ANKRD26: variants seen among roughly 807,000 people sequenced by gnomAD.
The protein encoded by ANKRD26 is ankyrin repeat domain-containing protein 26.
ANKRD26 carries 141 observed loss-of-function variants against 208.7 expected under a neutral mutation model. The ratio of observed to expected loss-of-function variants is 0.68; its 90% CI spans 0.59 to 0.78. ANKRD26 has a LOEUF of 0.78. Ranked by LOEUF, ANKRD26 falls within the 30% of genes least tolerant of loss-of-function variation. The pLI is 0.00. For missense variants in ANKRD26, 1,889 were observed against 1,938.7 expected, an observed-to-expected ratio of 0.97 and a Z score of 0.48; for synonymous variants, 636 against 660.4, an observed-to-expected ratio of 0.96 and a Z score of 0.57.
At chr10:26,955,542 T>C in the ANKRD26 span, among the ~76,000 whole-genome samples, 1 of 152,310 alleles carries the variant, frequency 6.6e-6, no homozygotes, top group East Asian at 1.9e-4. Flanking sequence ...TTGCCTTCCA[T>C]GAGTGAGAAG....
intron 1 of ANKRD26, among the ~76,000 whole-genome samples, chr10:27,099,571 G>GC (rs1320211789): frequency 7.1e-6 from 1 of 139,870 alleles, no homozygotes; most frequent in Non-Finnish European, 1.6e-5. Flanking sequence ...TTGGGGGGGG[G>GC]GGTCTCGCTA....
At chr10:27,060,202 C>A in intron 15 of ANKRD26, 143 bp downstream of exon 15, 1 of 741,294 alleles carries the variant, frequency 1.3e-6, no homozygotes, top group South Asian at 1.8e-5. Context: ...GACTCGGTCT[C>A]AATTAAAAAA....
chr10:27,045,748 T>C (rs1304190465), intron 18 of ANKRD26, among the ~76,000 whole-genome samples: 1 of 152,170 alleles, frequency 6.6e-6, no homozygotes, highest in African/African-American at 2.4e-5. Flanking sequence ...GTTTGCATGT[T>C]TATTATTAGA....
chr10:27,082,871 A>G, intron 5 of ANKRD26, 38 bp from the exon 6 acceptor site: 1 of 1,559,112 alleles, frequency 6.4e-7, no homozygotes, highest in South Asian at 1.2e-5. Flanking sequence ...TTAAATCAAC[A>G]ATAGAAAAAT....
chr10:27,100,466 G>C lies in ANKRD26; in HGVS notation c.-140C>G, dbSNP rs41299222. 62,124 of 1,297,204 alleles carry C rather than the reference G, an allele frequency of 0.048. 1,684 individuals are homozygous for C. The highest frequency in any genetic ancestry group is 0.084 in the African/African-American group (5,637 of 67,346). The allele number at this position is 1,297,204 out of a possible 1,614,324, so 80.4% of individuals were successfully genotyped here. Reference sequence around the variant, plus strand: ...CGCGGTTTCCAATCTCTCCCTCCGGGTTACCAAGCAAGCGATCCCGCTAGA... The same window carrying C: ...CGCGGTTTCCAATCTCTCCCTCCGGCTTACCAAGCAAGCGATCCCGCTAGA... On this transcript the variant is annotated 5_prime_UTR_variant, in exon 1 of 34. Transcript: ENST00000376087.
chr10:26,989,573 A>C (rs550558915), downstream of ANKRD26, among the ~76,000 whole-genome samples: 1 of 152,354 alleles, frequency 6.6e-6, no homozygotes, highest in African/African-American at 2.4e-5. Context: ...TAAATTCTTT[A>C]TGCTTCGCAA....
chr10:27,093,849 C>T (rs769220154), intron 1 of ANKRD26, 50 bp from the exon 2 acceptor site: 2 of 1,331,346 alleles, frequency 1.5e-6, no homozygotes, highest in South Asian at 1.2e-5. Flanking sequence ...TGTCTCAAAA[C>T]ATACAATGGT....
At chr10:27,024,616 A>C in intron 27 of ANKRD26, 57 bp from the exon 28 acceptor site, 1 of 1,014,870 alleles carries the variant, frequency 9.9e-7, no homozygotes, top group South Asian at 1.4e-5. Flanking sequence ...TTTTTTTCTT[A>C]AAACTATTAT....
At chr10:26,962,451 T>C in the ANKRD26 span, among the ~76,000 whole-genome samples, 17 of 152,096 alleles carry the variant, frequency 1.1e-4, no homozygotes, top group African/African-American at 3.9e-4. Flanking sequence ...GGCGGGTGCC[T>C]GTAATCCCAG....
At chr10:27,044,079 C>A in intron 19 of ANKRD26, 78 bp downstream of exon 19, 1 of 1,091,296 alleles carries the variant, frequency 9.2e-7, no homozygotes, top group Non-Finnish European at 1.2e-6. Flanking sequence ...CAGGTGTGAG[C>A]CACTGTGCCC....
At chr10:27,057,174 C>T (rs2054866784) in intron 15 of ANKRD26, among the ~76,000 whole-genome samples, 1 of 152,174 alleles carries the variant, frequency 6.6e-6, no homozygotes, top group Non-Finnish European at 1.5e-5. Flanking sequence ...GACTAACTTT[C>T]TTCATAGAAG....
At chr10:26,999,220 T>C (rs942152905), downstream of ANKRD26, among the ~76,000 whole-genome samples, 13 of 152,246 alleles carry the variant, frequency 8.5e-5, no homozygotes, top group African/African-American at 2.7e-4. Flanking sequence ...TAGGCCATTG[T>C]AACTTAGAGT....
intron 13 of ANKRD26, 131 bp from the exon 14 acceptor site, chr10:27,060,671 T>C (rs1202019599): frequency 2.6e-6 from 2 of 769,420 alleles, no homozygotes; most frequent in Non-Finnish European, 4.3e-6. Flanking sequence ...TTTTGGGATG[T>C]TTTTTATTTT....
chr10:27,060,510 AC>A lies in ANKRD26; in HGVS notation c.1491+1del, dbSNP rs1407232979. ...TCAAGATAAAAATATAAAACTTATT[AC>A]CTTCAAGTGAAGATATCTCTCAGGA... On this transcript the variant is annotated splice_donor_variant, in intron 14 of 33. Coordinates refer to ENST00000376087, the MANE Select transcript of ANKRD26 (RefSeq NM_014915.3). LOFTEE classifies it high-confidence loss of function. 6.4e-7 allele frequency: 1 copy of A among 1,552,752 alleles called. No individual in the cohort carries two copies. The highest frequency in any genetic ancestry group is 1.4e-5 in the African/African-American group (1 of 73,218).
intron 20 of ANKRD26, among the ~76,000 whole-genome samples, chr10:27,042,952 CA>C (rs376971749): frequency 0.23 from 19,032 of 82,276 alleles, 1,252 homozygotes; most frequent in African/African-American, 0.31. Flanking sequence ...AATTTTGTCT[CA>C]AAAAAAAAAA....
chr10:26,948,308 T>C, the ANKRD26 span, among the ~76,000 whole-genome samples: 5 of 151,874 alleles, frequency 3.3e-5, no homozygotes, highest in Non-Finnish European at 7.3e-5. Context: ...CCCACGTTAT[T>C]TACCAGGTAC....
At chr10:27,097,823 T>C (rs1429544187) in intron 1 of ANKRD26, among the ~76,000 whole-genome samples, 1 of 152,072 alleles carries the variant, frequency 6.6e-6, no homozygotes, top group Non-Finnish European at 1.5e-5. Context: ...CTGGCTAATA[T>C]TTGTATTTTT....
chr10:27,074,447 A>G (rs920993727), intron 9 of ANKRD26, among the ~76,000 whole-genome samples: 2 of 152,302 alleles, frequency 1.3e-5, no homozygotes, highest in African/African-American at 4.8e-5. Flanking sequence ...TTGGGAGGCC[A>G]AGGTGGGTGG....
chr10:27,076,265 G>GTT (rs199989309), intron 9 of ANKRD26, among the ~76,000 whole-genome samples: 11,658 of 141,054 alleles, frequency 0.083, 640 homozygotes, highest in East Asian at 0.28. Context: ...TGTTTGTTTG[G>GTT]TTTTTTTTTT....
Sources: gnomAD v4.1 joint callset for allele counts (sites outside exome capture counted in the v4.1 genomes callset) on GRCh38, gnomAD v4.1.1 for gene constraint, MANE v1.5 for transcripts, NCBI Gene and HGNC (gene_info 2026-07-23, HGNC 2026-07-21) for gene names.